KCNMB4: variants seen among roughly 807,000 people sequenced by gnomAD.
KCNMB4 encodes the protein calcium-activated potassium channel subunit beta-4.
A neutral mutation model predicts 20.7 loss-of-function variants in KCNMB4; 3 were observed. The ratio of observed to expected loss-of-function variants is 0.14; its 90% CI spans 0.07 to 0.37. The LOEUF (loss-of-function observed/expected upper bound fraction) is 0.37. KCNMB4 is among the 10% of genes least tolerant of loss of function. The probability of loss-of-function intolerance (pLI) is 1.00; values close to 1 mark genes in which losing one functional copy is unlikely to be tolerated. For missense variants in KCNMB4, 168 were observed against 265.9 expected, an observed-to-expected ratio of 0.63 and a Z score of 2.56; for synonymous variants, 110 against 113.4, an observed-to-expected ratio of 0.97 and a Z score of 0.19.
At chr12:70,419,286 G>A (rs933047416) in intron 2 of KCNMB4, among the ~76,000 whole-genome samples, 1 of 152,160 alleles carries the variant, frequency 6.6e-6, no homozygotes, top group African/African-American at 2.4e-5. Context: ...ACTTTCTTTG[G>A]AAACAAAATG....
At chr12:70,369,476 A>G (rs1049327526) in intron 1 of KCNMB4, among the ~76,000 whole-genome samples, 7 of 152,192 alleles carry the variant, frequency 4.6e-5, no homozygotes, top group African/African-American at 1.7e-4. Context: ...TTGAAGGCCT[A>G]TGCTTCCCCT....
intron 1 of KCNMB4, among the ~76,000 whole-genome samples, chr12:70,397,079 C>T (rs969524122): frequency 6.6e-6 from 1 of 152,038 alleles, no homozygotes; most frequent in African/African-American, 2.4e-5. Flanking sequence ...CTTTTCAGAC[C>T]AGGTGTGATG....
At chr12:70,383,315 T>C (rs961840905) in intron 1 of KCNMB4, among the ~76,000 whole-genome samples, 4 of 152,210 alleles carry the variant, frequency 2.6e-5, no homozygotes, top group African/African-American at 9.6e-5. Context: ...AAAAGAAATA[T>C]TAATTAATGC....
chr12:70,389,624 G>A (rs928391893), intron 1 of KCNMB4, among the ~76,000 whole-genome samples: 1 of 152,168 alleles, frequency 6.6e-6, no homozygotes, highest in African/African-American at 2.4e-5. Flanking sequence ...AGCCTGGGAG[G>A]TTGAGGCTGC....
intron 1 of KCNMB4, 135 bp downstream of exon 1, chr12:70,367,205 C>A: frequency 1.5e-6 from 1 of 648,278 alleles, no homozygotes; most frequent in Non-Finnish European, 2.4e-6. Flanking sequence ...AGGCTGTGCT[C>A]AAACCAGGAA....
At position 70,366,995 on chromosome 12, in the gene KCNMB4, C is replaced by G. The variant is rs767956663; in HGVS notation, c.261C>G (p.Val87=). The G allele has an allele frequency of 2.5e-6, 4 of 1,603,788 alleles. No homozygotes were observed. The highest frequency in any genetic ancestry group is 3.4e-6 in the Non-Finnish European group (4 of 1,174,534). The change falls in exon 1 of 3, where the codon GTC becomes GTG. Residue 87 remains valine, a synonymous_variant. Coordinates refer to ENST00000258111, the MANE Select transcript of KCNMB4 (RefSeq NM_014505.6). ...CCTCGCAGTACCCCTGCGTCCAGGT[C>G]TACGTGAACAACTCTGAGTCCAACT... ...RGTSQYPCVQ[V]YVNNSESNSR...
intron 1 of KCNMB4, among the ~76,000 whole-genome samples, 153 bp downstream of exon 1, chr12:70,367,223 A>G (rs1883511209): frequency 6.6e-6 from 1 of 151,958 alleles, no homozygotes; most frequent in South Asian, 2.1e-4. Context: ...GAATGACTAC[A>G]TCAGGGAGCC....
chr12:70,402,411 G>A (rs1343104001), intron 2 of KCNMB4, among the ~76,000 whole-genome samples: 3 of 152,064 alleles, frequency 2.0e-5, no homozygotes, highest in Admixed American at 6.6e-5. Context: ...GGAAGACTGA[G>A]GCGGGAGGAT....
intron 1 of KCNMB4, among the ~76,000 whole-genome samples, chr12:70,389,197 C>T (rs11612542): frequency 0.12 from 17,711 of 151,990 alleles, 1,275 homozygotes; most frequent in Middle Eastern, 0.22. Context: ...ATGTAAAGTA[C>T]TGTTCACTTC....
intron 1 of KCNMB4, among the ~76,000 whole-genome samples, chr12:70,395,600 C>G (rs1868343977): frequency 6.6e-6 from 1 of 152,140 alleles, no homozygotes; most frequent in Non-Finnish European, 1.5e-5. Flanking sequence ...CGTAATCAAG[C>G]ATTCCATGTT....
chr12:70,366,618 G>C lies in KCNMB4; in HGVS notation c.-117G>C. ...GCTCCCCCTCGCCGCCCACTCCCCT[G>C]CTGTCGCGCGGCGGCGGCGGTGGCG... On this transcript the variant is annotated 5_prime_UTR_variant, in exon 1 of 3. Coordinates refer to ENST00000258111, the MANE Select transcript of KCNMB4 (RefSeq NM_014505.6). 1.5e-6 allele frequency: 1 copy of C among 688,272 alleles called. No individual in the cohort carries two copies. Among genetic ancestry groups the C allele is most frequent in the Admixed American group, 4.8e-5 (1 of 20,894 alleles). 42.6% of individuals were successfully genotyped at this position (688,272 alleles called of 1,614,324 possible).
chr12:70,368,732 G>A (rs916808612), intron 1 of KCNMB4, among the ~76,000 whole-genome samples: 1 of 151,998 alleles, frequency 6.6e-6, no homozygotes, highest in African/African-American at 2.4e-5. Context: ...AGTGGTTCAA[G>A]CACTAATAAA....
chr12:70,391,190 A>C (rs1339123603), intron 1 of KCNMB4, among the ~76,000 whole-genome samples: 2 of 152,208 alleles, frequency 1.3e-5, no homozygotes, highest in Admixed American at 6.5e-5. Context: ...GAAGAACCTT[A>C]GAAGGTTATC....
chr12:70,400,777 G>C (rs1284570376), intron 2 of KCNMB4, among the ~76,000 whole-genome samples: 2 of 152,044 alleles, frequency 1.3e-5, no homozygotes, highest in South Asian at 4.2e-4. Context: ...TGGTTCCTTG[G>C]ACTAGGGCAC....
At chr12:70,396,952 A>T (rs897775047) in intron 1 of KCNMB4, among the ~76,000 whole-genome samples, 1 of 152,220 alleles carries the variant, frequency 6.6e-6, no homozygotes, top group East Asian at 1.9e-4. Flanking sequence ...CACTAAGTGA[A>T]TTGAGAAGGA....
chr12:70,381,136 CA>C (rs1178978000), intron 1 of KCNMB4, among the ~76,000 whole-genome samples: 3 of 150,706 alleles, frequency 2.0e-5, no homozygotes, highest in Middle Eastern at 3.2e-3. Context: ...GGCCAATGAG[CA>C]CATGAAAAAA....
intron 2 of KCNMB4, among the ~76,000 whole-genome samples, chr12:70,426,036 T>TGTAA (rs1352782362): frequency 6.6e-6 from 1 of 152,074 alleles, no homozygotes; most frequent in East Asian, 1.9e-4. Context: ...GGCTCACGTC[T>TGTAA]GTAATCCCAG....
At chr12:70,384,480 A>G (rs1031514903) in intron 1 of KCNMB4, among the ~76,000 whole-genome samples, 3 of 152,228 alleles carry the variant, frequency 2.0e-5, no homozygotes, top group Admixed American at 6.5e-5. Context: ...CACGATAATG[A>G]ATGACTGAAA....
intron 2 of KCNMB4, among the ~76,000 whole-genome samples, chr12:70,407,821 C>T (rs1356433437): frequency 1.3e-5 from 2 of 151,834 alleles, no homozygotes; most frequent in African/African-American, 4.8e-5. Context: ...TTCTGACAAC[C>T]GGTCCCCATC....
Sources: allele counts gnomAD v4.1 joint callset (sites outside exome capture counted in the v4.1 genomes callset), GRCh38; gene constraint gnomAD v4.1.1; transcripts MANE v1.5; gene names NCBI Gene and HGNC (gene_info 2026-07-23, HGNC 2026-07-21).